Variants in ADGRL2 observed in about 807,000 individuals in gnomAD.
The protein encoded by ADGRL2 is calcium-independent alpha-latrotoxin receptor 2.
Under a neutral mutation model 157.4 loss-of-function variants are expected in ADGRL2, and 44 were observed. The ratio of observed to expected loss-of-function variants is 0.28; its 90% CI spans 0.22 to 0.36. The LOEUF (loss-of-function observed/expected upper bound fraction) is 0.36. Among genes scored for constraint, ADGRL2 ranks in the 10% least tolerant of loss-of-function variants. ADGRL2 has a pLI of 1.00. For missense variants in ADGRL2, 1,510 were observed against 1,768.9 expected, an observed-to-expected ratio of 0.85 and a Z score of 2.63; for synonymous variants, 585 against 624.7, an observed-to-expected ratio of 0.94 and a Z score of 0.95.
At chr1:81,776,433 C>T (rs994005918) in intron 2 of ADGRL2, among the ~76,000 whole-genome samples, 7 of 152,102 alleles carry the variant, frequency 4.6e-5, no homozygotes, top group African/African-American at 1.4e-4. Context: ...GTGATCTGCC[C>T]GCCTCGGCCT....
At chr1:81,318,294 T>A (rs941268657) in intron 1 of ADGRL2, among the ~76,000 whole-genome samples, 1 of 152,198 alleles carries the variant, frequency 6.6e-6, no homozygotes, top group Non-Finnish European at 1.5e-5. Flanking sequence ...TTACATCAAT[T>A]GTTACACTTC....
chr1:81,382,867 G>A (rs2076366665), intron 1 of ADGRL2, among the ~76,000 whole-genome samples: 1 of 152,194 alleles, frequency 6.6e-6, no homozygotes, highest in Non-Finnish European at 1.5e-5. Context: ...GTGTTTCCAT[G>A]AGGATTTCAA....
At chr1:81,462,648 T>A (rs557997852) in intron 2 of ADGRL2, among the ~76,000 whole-genome samples, 2 of 152,358 alleles carry the variant, frequency 1.3e-5, no homozygotes, top group African/African-American at 4.8e-5. Flanking sequence ...CTTGTTCTCA[T>A]TAACATCTTG....
intron 7 of ADGRL2, 119 bp downstream of exon 7, chr1:81,950,601 C>A: frequency 2.0e-6 from 2 of 981,880 alleles, no homozygotes; most frequent in South Asian, 1.7e-5. Flanking sequence ...TATTTTTGTA[C>A]TTTGGTAATA....
chr1:81,990,472 T>C lies in ADGRL2; in HGVS notation c.3737T>C (p.Leu1246Pro), dbSNP rs1664379339. The change falls in exon 24 of 24, where the codon CTG becomes CCG. Residue 1246 changes from leucine to proline, a missense_variant. Transcript: ENST00000686636. ...GGTAATTTTAACAACAGCTACTCGC[T>C]GCACAAGGGTGACTATAATGACAGC... The part of the protein sequence containing the change: ...LNGNFNNSYS[L>P]HKGDYNDSVQ... 3 of 1,614,110 alleles carry C rather than the reference T, an allele frequency of 1.9e-6. No homozygotes were observed. In the East Asian group the frequency reaches 6.7e-5, roughly 36 times the overall value.
intron 1 of ADGRL2, among the ~76,000 whole-genome samples, chr1:81,731,500 T>C (rs1285781949): frequency 6.7e-6 from 1 of 149,968 alleles, no homozygotes; most frequent in Non-Finnish European, 1.5e-5. Flanking sequence ...AAATGTTCTA[T>C]CATCTTTTTT....
chr1:81,627,987 A>G (rs2081942461), intron 3 of ADGRL2, among the ~76,000 whole-genome samples: 1 of 152,188 alleles, frequency 6.6e-6, no homozygotes, highest in African/African-American at 2.4e-5. Flanking sequence ...CCAGGCTTAT[A>G]GTCTAACAAT....
rs115222088 is a variant in ADGRL2, at chr1:81,442,295, C to T, written c.-301-2741C>T. Among the ~76,000 whole-genome samples, 879 of 152,282 alleles carry T rather than the reference C, an allele frequency of 5.8e-3. 4 individuals carry two copies. Among genetic ancestry groups the T allele is most frequent in the African/African-American group, 0.011 (475 of 41,554 alleles). ...CTCAATTACCTTTGTTTCCTTAAAA[C>T]GGACACAGTTAGATAGCCAATGTTA... On this transcript the variant is annotated intron_variant, in intron 1 of 24. Coordinates refer to the ADGRL2 transcript ENST00000370721.
intron 1 of ADGRL2, among the ~76,000 whole-genome samples, chr1:81,823,577 G>C (rs966418675): frequency 6.6e-6 from 1 of 152,078 alleles, no homozygotes; most frequent in African/African-American, 2.4e-5. Context: ...ACTGTGTTCA[G>C]TTAGCTCACC....
intron 2 of ADGRL2, among the ~76,000 whole-genome samples, chr1:81,874,832 A>G (rs1224518889): frequency 1.3e-5 from 2 of 151,530 alleles, no homozygotes; most frequent in Admixed American, 6.6e-5. Flanking sequence ...CAGCCTCTCT[A>G]GTAGCTGTGA....
rs2095325884 is a variant in ADGRL2 at position 81,937,374 on chromosome 1, T to C, written c.397+537T>C. On this transcript the variant is annotated intron_variant, in intron 4 of 23. Transcript: ENST00000686636. ...AATGCTAAATAAAATAGATATAATA[T>C]AACCTTGCACATGGTTCTGTTTTTA... Among the ~76,000 whole-genome samples, 5 of 151,968 alleles carry C rather than the reference T, an allele frequency of 3.3e-5. No homozygotes were observed. The South Asian group carries it at 1.0e-3, about 31-fold the overall frequency.
At chr1:81,707,587 A>C (rs9726213) in intron 1 of ADGRL2, among the ~76,000 whole-genome samples, 36,417 of 152,046 alleles carry the variant, frequency 0.24, 4,643 homozygotes, top group African/African-American at 0.31. Flanking sequence ...AAGCCATGAT[A>C]ATCTGGACAA....
intron 3 of ADGRL2, among the ~76,000 whole-genome samples, chr1:81,936,427 C>T (rs911155157): frequency 6.6e-6 from 1 of 151,622 alleles, no homozygotes; most frequent in East Asian, 1.9e-4. Flanking sequence ...ATCTTGTTGT[C>T]GTTCAGTTCA....
chr1:81,607,506 C>G (rs898110905), intron 3 of ADGRL2, among the ~76,000 whole-genome samples: 1 of 152,144 alleles, frequency 6.6e-6, no homozygotes, highest in Non-Finnish European at 1.5e-5. Context: ...GTTATCTAAA[C>G]TGCACGTGGA....
chr1:81,883,510 G>A (rs370080215), intron 2 of ADGRL2, among the ~76,000 whole-genome samples: 33 of 152,098 alleles, frequency 2.2e-4, no homozygotes, highest in South Asian at 8.3e-4. Flanking sequence ...GAGTATAAGC[G>A]AATCCATTTA....
chr1:81,502,383 A>C, intron 2 of ADGRL2: 1 of 1,614,106 alleles, frequency 6.2e-7, no homozygotes, highest in Non-Finnish European at 8.5e-7. Context: ...CGGGGAAGAG[A>C]GATCTCTCGA....
At chr1:81,876,627 G>A (rs1469700628) in intron 2 of ADGRL2, among the ~76,000 whole-genome samples, 1 of 152,098 alleles carries the variant, frequency 6.6e-6, no homozygotes, top group East Asian at 1.9e-4. Context: ...TTAAAGACTT[G>A]TAGAAGTTAG....
At chr1:81,940,573 G>A (rs878920663) in intron 4 of ADGRL2, among the ~76,000 whole-genome samples, 1 of 151,570 alleles carries the variant, frequency 6.6e-6, no homozygotes, top group Admixed American at 6.6e-5. Flanking sequence ...CCATTCCTAT[G>A]GCAAAAATGT....
At chr1:81,871,057 G>A (rs2093679889) in intron 2 of ADGRL2, among the ~76,000 whole-genome samples, 1 of 150,830 alleles carries the variant, frequency 6.6e-6, no homozygotes, top group Non-Finnish European at 1.5e-5. Flanking sequence ...TTTACATTAG[G>A]TATGTCTCCT....
Sources: allele counts gnomAD v4.1 joint callset (sites outside exome capture counted in the v4.1 genomes callset), GRCh38; gene constraint gnomAD v4.1.1; transcripts MANE v1.5; gene names NCBI Gene and HGNC (gene_info 2026-07-23, HGNC 2026-07-21).